Variants in SLC12A9 observed in about 807,000 individuals in gnomAD.
The protein encoded by SLC12A9 is CCC-interacting protein 1.
SLC12A9 carries 55 observed loss-of-function variants against 66.0 expected under a neutral mutation model. The ratio of observed to expected loss-of-function variants is 0.83; its 90% confidence interval spans 0.67 to 1.04. SLC12A9 has a LOEUF of 1.04. Ranked by LOEUF, SLC12A9 falls within the 50% of genes least tolerant of loss-of-function variation. The pLI is 0.00. For synonymous variants in SLC12A9, 577 were observed against 569.0 expected, an observed-to-expected ratio of 1.01 and a Z score of -0.20; for missense variants, 1,061 against 1,241.9, an observed-to-expected ratio of 0.85 and a Z score of 2.19.
chr7:100,860,280 C>T (rs1584702948), intron 9 of SLC12A9, 48 bp downstream of exon 9: 2 of 1,580,046 alleles, frequency 1.3e-6, no homozygotes, highest in Non-Finnish European at 1.7e-6. Flanking sequence ...CACCAGCTGG[C>T]AGGATGGGGG....
At position 100,865,898 on chromosome 7, in the gene SLC12A9, C is replaced by A. The variant is rs1230657294; in HGVS notation, c.2038C>A (p.Pro680Thr). The A allele has an allele frequency of 1.9e-6, 3 of 1,613,684 alleles. No homozygotes were observed. Among genetic ancestry groups the A allele is most frequent in the South Asian group, 2.2e-5 (2 of 91,088 alleles). Residue 680 changes from proline to threonine, a missense_variant, in exon 14 of 14, where the codon CCC becomes ACC. Coordinates refer to ENST00000354161, the MANE Select transcript of SLC12A9 (RefSeq NM_020246.4). ...TCCTGGGAGCCCCCGGGCCCTCAATCCCCAGGACTATGTGGCCACGGTGGC... is the reference window on the plus strand; with the variant it reads ...TCCTGGGAGCCCCCGGGCCCTCAATACCCAGGACTATGTGGCCACGGTGGC... ...RAPGSPRALN[P>T]QDYVATVADA... is the part of the protein sequence containing the mutation.
At chr7:100,840,148 C>T (rs537167720) in intron 1 of SLC12A9, among the ~76,000 whole-genome samples, 45 of 152,058 alleles carry the variant, frequency 3.0e-4, no homozygotes, top group Non-Finnish European at 2.2e-4. Context: ...GTGCAAACTG[C>T]GAAAGTGTGT....
chr7:100,829,032 G>A (rs1335291092), intron 1 of SLC12A9, among the ~76,000 whole-genome samples: 2 of 151,108 alleles, frequency 1.3e-5, no homozygotes, highest in Non-Finnish European at 2.9e-5. Flanking sequence ...CTATTTCCCA[G>A]GCTGGAGTGC....
intron 1 of SLC12A9, among the ~76,000 whole-genome samples, chr7:100,842,961 C>CT (rs1813817751): frequency 6.6e-6 from 1 of 152,270 alleles, no homozygotes; most frequent in Non-Finnish European, 1.5e-5. Context: ...TCTCCCAACA[C>CT]TAAGTTCACT....
chr7:100,861,319 G>T lies in SLC12A9; in HGVS notation c.1343+57G>T. 6.2e-7 allele frequency: 1 copy of T among 1,613,114 alleles called. No individual in the cohort carries two copies. Among genetic ancestry groups the T allele is most frequent in the South Asian group, 1.1e-5 (1 of 91,066 alleles). Reference sequence around the variant, plus strand: ...AAGAAGGGAGGACTCGGGCTCAGGCGTGGGGCTGGGGACTGCAGCCTCGTG... The same window carrying T: ...AAGAAGGGAGGACTCGGGCTCAGGCTTGGGGCTGGGGACTGCAGCCTCGTG... On this transcript the variant is annotated intron_variant, in intron 10 of 13. Coordinates refer to ENST00000354161, the MANE Select transcript of SLC12A9 (RefSeq NM_020246.4). This position sits in a 1 kb window ranked among gnomAD's most constrained non-coding sequence, Gnocchi z 5.3.
Position 100,862,787 on chromosome 7 carries a change from G to C in SLC12A9, c.1818G>C (p.Val606=). 1 of 1,614,042 alleles carries C rather than the reference G, an allele frequency of 6.2e-7. No homozygotes were observed. Among genetic ancestry groups the C allele is most frequent in the Non-Finnish European group, 8.5e-7 (1 of 1,180,020 alleles). Residue 606 remains valine (V), a synonymous_variant, in exon 13 of 14, where the codon GTG becomes GTC. Transcript: ENST00000354161. ...TGGATCTAACCCTCTCACCCTCCGT[G>C]CGCCAGGGGGCTCAGCATCTGCTGC... ...AFVDLTLSPS[V]RQGAQHLLRI...
exon 1 of SLC12A9, chr7:100,826,895 C>A: frequency 6.8e-7 from 1 of 1,472,276 alleles, no homozygotes; most frequent in Non-Finnish European, 9.2e-7. Flanking sequence ...TAGTCAGAGG[C>A]CGGCCCCTCC....
At chr7:100,848,666 C>G (rs1369109522), upstream of SLC12A9, among the ~76,000 whole-genome samples, 3 of 152,044 alleles carry the variant, frequency 2.0e-5, no homozygotes, top group Non-Finnish European at 4.4e-5. Flanking sequence ...GCGGGCGGAT[C>G]ACGAGGTCAG....
chr7:100,827,036 C>T, exon 1 of SLC12A9: 1 of 1,580,188 alleles, frequency 6.3e-7, no homozygotes. Flanking sequence ...TCCATGGCGC[C>T]GCCTCACTCG....
Position 100,854,237 on chromosome 7 carries a change from C to CT in SLC12A9, c.41dup (p.Glu16GlyfsTer113). The CT allele has an allele frequency of 6.3e-7, 1 of 1,577,144 alleles. No individual in the cohort carries two copies. Among genetic ancestry groups the CT allele is most frequent in the Non-Finnish European group, 8.5e-7 (1 of 1,170,570 alleles). ...CTCACCTCTGCTGGCCTACCGGCTC[C>CT]TGGGGGAGGAGGGGGTTGCCCTCCC... On this transcript the variant is annotated frameshift_variant, in exon 2 of 14. Transcript: ENST00000354161. LOFTEE classifies it high-confidence loss of function.
At chr7:100,837,478 T>C (rs1813684042) in intron 1 of SLC12A9, 1 of 152,170 alleles carries the variant, frequency 6.6e-6, no homozygotes, top group African/African-American at 2.4e-5. Flanking sequence ...TCTGAAGCCA[T>C]CATAGTCGCC....
chr7:100,856,855 T>C lies in SLC12A9; in HGVS notation c.449-13T>C. ...GGATCGGGCCTTCTAACTCTGTCCC[T>C]ACCTCTCTCCAGATGCCACAGGGCC... On this transcript the variant is annotated splice_polypyrimidine_tract_variant and intron_variant, in intron 4 of 13. Coordinates refer to ENST00000354161, the MANE Select transcript of SLC12A9 (RefSeq NM_020246.4). The C allele has an allele frequency of 6.4e-7, 1 of 1,573,808 alleles. No homozygotes were observed. The highest frequency in any genetic ancestry group is 8.6e-7 in the Non-Finnish European group (1 of 1,161,912).
rs1251594510 is a variant in SLC12A9 at position 100,861,368 on chromosome 7, CCCT to C, written c.1344-18_1344-16del. On this transcript the variant is annotated intron_variant, in intron 10 of 13. Coordinates refer to ENST00000354161, the MANE Select transcript of SLC12A9 (RefSeq NM_020246.4). This position sits in a 1 kb window ranked among gnomAD's most constrained non-coding sequence, Gnocchi z 5.3. ...TGTGCGGCCTGCCCTGAGTTTCTGT[CCCT>C]CCTCCCCTCCATGCCCGCAGCCCCA... The C allele has an allele frequency of 1.2e-6, 2 of 1,611,892 alleles. No individual in the cohort carries two copies. The highest frequency in any genetic ancestry group is 1.3e-5 in the African/African-American group (1 of 74,988).
At chr7:100,860,519 T>C (rs1814683948) in intron 9 of SLC12A9, 1 of 448,030 alleles carries the variant, frequency 2.2e-6, no homozygotes, top group Admixed American at 4.1e-5. Context: ...TATACTAGTA[T>C]TTTTCAGTAT....
rs142610226 is a variant in SLC12A9, at chr7:100,842,289, T to G, written n.228+15242T>G. On this transcript the variant is annotated intron_variant and non_coding_transcript_variant, in intron 1 of 1. Transcript: ENST00000461016. ...TCTTTCCTCATTCTATTGCTGACCA[T>G]CTAGTTATTAACATAACCAAGTCAA... Among the ~76,000 whole-genome samples the G allele has an allele frequency of 4.6e-5, 7 of 152,348 alleles. 1 individual carries two copies. Among genetic ancestry groups the G allele is most frequent in the African/African-American group, 1.7e-4 (7 of 41,572 alleles).
chr7:100,839,684 C>T (rs1813741085), intron 1 of SLC12A9, among the ~76,000 whole-genome samples: 1 of 152,222 alleles, frequency 6.6e-6, no homozygotes, highest in African/African-American at 2.4e-5. Context: ...AGTGGCTGAA[C>T]ACCAGGAAGG....
intron 1 of SLC12A9, among the ~76,000 whole-genome samples, chr7:100,829,374 C>T (rs1484810432): frequency 2.6e-5 from 4 of 152,196 alleles, no homozygotes; most frequent in African/African-American, 9.6e-5. Context: ...TGGGGGGCTG[C>T]CAAGCGCCCT....
Position 100,858,860 on chromosome 7 carries a change from G to A in SLC12A9, c.783G>A (p.Thr261=), listed in dbSNP as rs769305350. The A allele has an allele frequency of 8.1e-6, 13 of 1,614,054 alleles. No individual in the cohort carries two copies. The highest frequency in any genetic ancestry group is 4.0e-5 in the African/African-American group (3 of 74,934). Residue 261 remains threonine, a synonymous_variant, in exon 6 of 14, where the codon ACG becomes ACA. Transcript: ENST00000354161. Reference sequence around the variant, plus strand: ...CTGGCTATGCTGAGGACTACACCACGGGAGCCGTGATGAATTTTGCCAGCG... The same window carrying A: ...CTGGCTATGCTGAGGACTACACCACAGGAGCCGTGATGAATTTTGCCAGCG... The part of the protein sequence containing the change: ...LGAGYAEDYT[T]GAVMNFASVF...
In SLC12A9 at chr7:100,854,769, C is replaced by T. The variant is rs527999530; in HGVS notation, c.316+15C>T. 1.1e-5 allele frequency: 18 copies of T among 1,613,480 alleles called. No homozygotes were observed. The highest frequency in any genetic ancestry group is 1.3e-5 in the Non-Finnish European group (15 of 1,179,870). On this transcript the variant is annotated intron_variant, in intron 3 of 13. Transcript: ENST00000354161. ...CGGAGCCTACTGTATCCTCCAACATCGATGGACTGGGGTCTGGCCTGTTCT... is the reference window on the plus strand; with the variant it reads ...CGGAGCCTACTGTATCCTCCAACATTGATGGACTGGGGTCTGGCCTGTTCT...
Sources: allele counts gnomAD v4.1 joint callset (sites outside exome capture counted in the v4.1 genomes callset), GRCh38; gene constraint gnomAD v4.1.1; non-coding constraint Gnocchi (gnomAD v3.1); transcripts MANE v1.5; gene names NCBI Gene and HGNC (gene_info 2026-07-23, HGNC 2026-07-21).